Variants in YWHAQ observed in about 807,000 individuals in gnomAD.
YWHAQ encodes tyrosine 3-monooxygenase/tryptophan 5-monooxygenase activation protein theta.
Under a neutral mutation model 28.3 loss-of-function variants are expected in YWHAQ, and 6 were observed. The observed-to-expected ratio is 0.21, with a 90% CI of 0.12 to 0.42. The LOEUF is 0.42. Among genes scored for constraint, YWHAQ ranks in the 10% least tolerant of loss-of-function variants. The probability of loss-of-function intolerance (pLI) is 1.00; values close to 1 mark genes in which losing one functional copy is unlikely to be tolerated. For missense variants in YWHAQ, 201 were observed against 305.6 expected, an observed-to-expected ratio of 0.66 and a Z score of 2.55; for synonymous variants, 143 against 119.1, an observed-to-expected ratio of 1.20 and a Z score of -1.31.
intron 2 of YWHAQ, among the ~76,000 whole-genome samples, chr2:9,600,314 T>G (rs1666663161): frequency 6.6e-6 from 1 of 152,226 alleles, no homozygotes; most frequent in African/African-American, 2.4e-5. Flanking sequence ...ATAAACTTAG[T>G]TGATAGAGCA....
intron 2 of YWHAQ, among the ~76,000 whole-genome samples, chr2:9,614,221 C>T (rs562655324): frequency 7.4e-4 from 113 of 152,320 alleles, no homozygotes; most frequent in African/African-American, 2.6e-3. Context: ...ACACATACTA[C>T]ATTCCAAATC....
chr2:9,600,453 T>G, intron 2 of YWHAQ, among the ~76,000 whole-genome samples: 1 of 152,112 alleles, frequency 6.6e-6, no homozygotes, highest in Non-Finnish European at 1.5e-5. Flanking sequence ...ATGCCTATAA[T>G]CCCAGCACTT....
At chr2:9,586,326 T>C (rs1666343648) in intron 5 of YWHAQ, among the ~76,000 whole-genome samples, 1 of 152,212 alleles carries the variant, frequency 6.6e-6, no homozygotes, top group Admixed American at 6.5e-5. Flanking sequence ...TTGACTATAA[T>C]TGCACTTTAT....
intron 2 of YWHAQ, among the ~76,000 whole-genome samples, chr2:9,602,143 C>G (rs1666705959): frequency 6.6e-6 from 1 of 152,048 alleles, no homozygotes; most frequent in African/African-American, 2.4e-5. Context: ...ATAATAACTC[C>G]TGGCCAGGTG....
At chr2:9,620,833 C>T (rs1441699676) in intron 2 of YWHAQ, 1 of 152,148 alleles carries the variant, frequency 6.6e-6, no homozygotes, top group Non-Finnish European at 1.5e-5. Flanking sequence ...TCCATTATCA[C>T]CACATATGAT....
At position 9,606,552 on chromosome 2, in the gene YWHAQ, C is replaced by T. The variant is rs151076385; in HGVS notation, c.295-15037G>A. Among the ~76,000 whole-genome samples the T allele has an allele frequency of 3.5e-3, 540 of 152,240 alleles. 2 individuals carry two copies. Among genetic ancestry groups the T allele is most frequent in the African/African-American group, 0.012 (518 of 41,540 alleles). On this transcript the variant is annotated intron_variant, in intron 2 of 5. Transcript: ENST00000238081. ...GTGTGTGTGTGTATATTTTTTGAGA[C>T]GGAGTCTCGCTCTGTTGCCCAGCCT...
chr2:9,607,698 C>T (rs1362605084), intron 2 of YWHAQ, among the ~76,000 whole-genome samples: 1 of 147,448 alleles, frequency 6.8e-6, no homozygotes, highest in Non-Finnish European at 1.5e-5. Flanking sequence ...TTAAAGGTTA[C>T]TAAATTCTTC....
chr2:9,602,862 A>AATATATATATATATATAT (rs71413909), intron 2 of YWHAQ, among the ~76,000 whole-genome samples: 11 of 20,812 alleles, frequency 5.3e-4, no homozygotes, highest in Admixed American at 9.3e-4. Context: ...AAAAAAAAAA[A>AATATATATATATATATAT]ATATATATAT....
At chr2:9,608,458 A>C (rs1417866348) in intron 2 of YWHAQ, among the ~76,000 whole-genome samples, 1 of 152,308 alleles carries the variant, frequency 6.6e-6, no homozygotes, top group South Asian at 2.1e-4. Flanking sequence ...CAGAAACTCG[A>C]ACCTATGTTC....
chr2:9,614,477 T>C (rs2125070945), intron 2 of YWHAQ, among the ~76,000 whole-genome samples: 1 of 152,268 alleles, frequency 6.6e-6, no homozygotes, highest in Middle Eastern at 3.4e-3. Context: ...AACAAAGAAC[T>C]TTCCTTAAAA....
chr2:9,609,744 G>A (rs1365167382), intron 2 of YWHAQ, among the ~76,000 whole-genome samples: 2 of 152,198 alleles, frequency 1.3e-5, no homozygotes, highest in Non-Finnish European at 2.9e-5. Context: ...TATCTTCAAA[G>A]TGCGGAGAAA....
intron 2 of YWHAQ, among the ~76,000 whole-genome samples, chr2:9,628,018 C>T (rs571681095): frequency 2.6e-5 from 4 of 152,304 alleles, no homozygotes; most frequent in Admixed American, 1.3e-4. Context: ...GTTTGTGTAT[C>T]TCTCACATGC....
chr2:9,630,703 G>A lies in YWHAQ; in HGVS notation c.-82-169C>T, dbSNP rs932954752. On this transcript the variant is annotated intron_variant, in intron 1 of 5. Coordinates refer to ENST00000238081, the MANE Select transcript of YWHAQ (RefSeq NM_006826.4). The surrounding 1 kb of genome is among the most constrained non-coding windows in gnomAD (Gnocchi z 5.6). ...CCGGGGAGGCCGCGGCCCGCGGCTGGAGGAGGCGGGGGCGGCGCGGAGGCC... is the reference window on the plus strand; with the variant it reads ...CCGGGGAGGCCGCGGCCCGCGGCTGAAGGAGGCGGGGGCGGCGCGGAGGCC... The A allele has an allele frequency of 1.7e-5, 4 of 231,010 alleles. No individual in the cohort carries two copies. The highest frequency in any genetic ancestry group is 3.3e-5 in the Non-Finnish European group (4 of 120,530). The allele number at this position is 231,010 out of a possible 1,614,324, so 14.3% of individuals were successfully genotyped here. A position where few individuals can be genotyped will look rare whatever the true frequency, so the allele number is the denominator to read the frequency against.
At chr2:9,600,988 A>G (rs1666682044) in intron 2 of YWHAQ, among the ~76,000 whole-genome samples, 1 of 152,240 alleles carries the variant, frequency 6.6e-6, no homozygotes. Flanking sequence ...GTATAGTGTA[A>G]GCATGACTTT....
rs1666299314 is a variant in YWHAQ at position 9,584,004 on chromosome 2, T to C, written c.*1282A>G. The C allele has an allele frequency of 2.0e-5, 3 of 152,228 alleles. No individual in the cohort carries two copies. Among genetic ancestry groups the C allele is most frequent in the Non-Finnish European group, 4.4e-5 (3 of 68,046 alleles). 9.4% of individuals were successfully genotyped at this position (152,228 alleles called of 1,614,324 possible). ...GTTTTAAAATGTCCACTTTATTCCA[T>C]ATAACACTTAACCAGATATCATTTA... On this transcript the variant is annotated 3_prime_UTR_variant, in exon 6 of 6. Transcript: ENST00000238081.
At position 9,589,944 on chromosome 2, in the gene YWHAQ, A is replaced by C. The variant is rs764810227; in HGVS notation, c.418+1448T>G. On this transcript the variant is annotated intron_variant, in intron 3 of 5. Transcript: ENST00000238081. ...CGTAAGAGAATTAAGCTATCCCTTT[A>C]TGACCTGAATTATGTTCATTTTCTT... 3.9e-5 allele frequency among the ~76,000 whole-genome samples: 6 copies of C among 152,366 alleles called. No individual in the cohort carries two copies. In the South Asian group the frequency reaches 1.2e-3, roughly 32 times the overall value.
intron 2 of YWHAQ, among the ~76,000 whole-genome samples, chr2:9,592,530 C>T (rs570418167): frequency 6.6e-6 from 1 of 152,098 alleles, no homozygotes; most frequent in African/African-American, 2.4e-5. Flanking sequence ...TCGAGACCAG[C>T]CTGGCCAACA....
Position 9,585,029 on chromosome 2 carries a change from G to A in YWHAQ, c.*257C>T. 2.1e-6 allele frequency: 1 copy of A among 468,758 alleles called. No homozygotes were observed. Among genetic ancestry groups the A allele is most frequent in the Non-Finnish European group, 3.9e-6 (1 of 258,980 alleles). The allele number at this position is 468,758 out of a possible 1,614,324, so 29.0% of individuals were successfully genotyped here. On this transcript the variant is annotated 3_prime_UTR_variant, in exon 6 of 6. Transcript: ENST00000238081. ...GATACATTTTTAGTCCTCTACATAA[G>A]TGTTTGGGAGTTACTTATGTTTATA...
intron 3 of YWHAQ, 150 bp downstream of exon 3, chr2:9,591,242 G>T: frequency 1.0e-6 from 1 of 962,430 alleles, no homozygotes; most frequent in Non-Finnish European, 1.4e-6. Context: ...TTTCATTTTT[G>T]AGAACATAAG....
Sources: allele counts gnomAD v4.1 joint callset (sites outside exome capture counted in the v4.1 genomes callset), GRCh38; gene constraint gnomAD v4.1.1; non-coding constraint Gnocchi (gnomAD v3.1); transcripts MANE v1.5; gene names NCBI Gene and HGNC (gene_info 2026-07-23, HGNC 2026-07-21).